VPS54: variants seen among roughly 807,000 people sequenced by gnomAD.
VPS54 encodes the protein vacuolar protein sorting-associated protein 54.
Under a neutral mutation model 121.5 loss-of-function variants are expected in VPS54, and 45 were observed. That is an observed-to-expected ratio of 0.37 (90% CI 0.29 to 0.47). VPS54 has a LOEUF of 0.47. VPS54 is among the 20% of genes least tolerant of loss of function. The pLI, the probability that VPS54 is intolerant of heterozygous loss-of-function variation, is 0.99. For missense variants in VPS54, 1,090 were observed against 1,131.4 expected, an observed-to-expected ratio of 0.96 and a Z score of 0.52; for synonymous variants, 371 against 385.8, an observed-to-expected ratio of 0.96 and a Z score of 0.45.
intron 11 of VPS54, among the ~76,000 whole-genome samples, chr2:63,934,304 A>C (rs1674352969): frequency 6.6e-6 from 1 of 152,186 alleles, no homozygotes; most frequent in Admixed American, 6.5e-5. Flanking sequence ...ACCTCTTAAA[A>C]AGGTTACACT....
intron 12 of VPS54, among the ~76,000 whole-genome samples, chr2:63,924,979 A>G (rs531714769): frequency 6.6e-6 from 1 of 152,338 alleles, no homozygotes; most frequent in East Asian, 1.9e-4. Flanking sequence ...ACCAGAAAAC[A>G]TCTTCAAGTC....
intron 1 of VPS54, among the ~76,000 whole-genome samples, chr2:63,996,748 G>T (rs1030744394): frequency 6.6e-6 from 1 of 152,192 alleles, no homozygotes; most frequent in Non-Finnish European, 1.5e-5. Flanking sequence ...TGTAGATAGG[G>T]ATGAAACACA....
In VPS54 at chr2:63,919,961, C is replaced by A; in HGVS notation, c.2086G>T (p.Asp696Tyr). The A allele has an allele frequency of 6.2e-7, 1 of 1,612,232 alleles. No homozygotes were observed. Among genetic ancestry groups the A allele is most frequent in the Non-Finnish European group, 8.5e-7 (1 of 1,178,782 alleles). The stretch of plus-strand genomic sequence containing the variant: ...AGATCCTGAAATTCTGCAGGAACAT[C>A]TGCTTGCTTCCAGCGCTCATTGTCT... Reference protein sequence around the residue: ...LLDNERWKQADVPAEFQDLVD... With the variant: ...LLDNERWKQAYVPAEFQDLVD... The change falls in exon 15 of 23, where the codon GAT becomes TAT. Residue 696 changes from aspartate (D) to tyrosine (Y), a missense_variant. Around this residue, in one of 2 missense-constraint regions of VPS54, gnomAD observed 289 missense variants for 374.4 expected, o/e 0.77. Transcript: ENST00000272322.
At chr2:63,996,889 G>C (rs1011069970) in intron 1 of VPS54, among the ~76,000 whole-genome samples, 4 of 152,008 alleles carry the variant, frequency 2.6e-5, no homozygotes, top group Non-Finnish European at 5.9e-5. Context: ...ATATTTTGTT[G>C]CCCTTGAAGC....
At chr2:63,980,131 T>C (rs1033030514) in intron 3 of VPS54, among the ~76,000 whole-genome samples, 9 of 152,216 alleles carry the variant, frequency 5.9e-5, no homozygotes, top group Non-Finnish European at 1.3e-4. Context: ...TTTTGAAGCA[T>C]GCTATTAGGG....
In VPS54 at chr2:63,942,518, C is replaced by T. The variant is rs763931393; in HGVS notation, c.1345G>A (p.Asp449Asn). The change falls in exon 11 of 23, where the codon GAT (aspartate) becomes AAT (asparagine). Residue 449 changes from aspartate to asparagine, a missense_variant. Physicochemically the swap from Asp to Asn is conservative, Grantham distance 23 (BLOSUM62 1). Coordinates refer to ENST00000272322, the MANE Select transcript of VPS54 (RefSeq NM_016516.3). Reference sequence around the variant, plus strand: ...TTAGAGAAAATATCCTTGAGCAGATCAAACCACTGGGGAAAATTCAACATT... The same window carrying T: ...TTAGAGAAAATATCCTTGAGCAGATTAAACCACTGGGGAAAATTCAACATT... ...MRMLNFPQWF[D>N]LLKDIFSKFT... The T allele has an allele frequency of 6.3e-7, 1 of 1,598,370 alleles. No homozygotes were observed. The highest frequency in any genetic ancestry group is 1.1e-5 in the South Asian group (1 of 88,586).
At chr2:63,984,169 A>G (rs1298191998) in intron 1 of VPS54, 150 bp from the exon 2 acceptor site, 15 of 645,188 alleles carry the variant, frequency 2.3e-5, no homozygotes, top group African/African-American at 3.7e-5. Context: ...GGGAAAATTG[A>G]TCACAATATT....
In VPS54 at chr2:63,942,371, T is replaced by A. The variant is rs1674783523; in HGVS notation, c.1398+94A>T. ...AATTACAAAAACAAAGAAACTGTGT[T>A]TTATTCTAGTTTGAGTCTTTATTTA... On this transcript the variant is annotated intron_variant, in intron 11 of 22. Transcript: ENST00000272322. 10 of 853,966 alleles carry A rather than the reference T, an allele frequency of 1.2e-5. No individual in the cohort carries two copies. In the South Asian group the frequency reaches 3.2e-4, roughly 27 times the overall value. The allele number at this position is 853,966 out of a possible 1,614,324, so 52.9% of individuals were successfully genotyped here. A position where few individuals can be genotyped will look rare whatever the true frequency, so the allele number is the denominator to read the frequency against.
intron 7 of VPS54, among the ~76,000 whole-genome samples, chr2:63,950,677 GA>G (rs1675198867): frequency 6.6e-6 from 1 of 152,186 alleles, no homozygotes. Context: ...GTCCTGATCA[GA>G]AACCTGACTT....
In VPS54 at chr2:63,962,369, A is replaced by C. The variant is rs1011150741; in HGVS notation, c.699T>G (p.His233Gln). The change falls in exon 7 of 23, where the codon CAT becomes CAG. Residue 233 changes from histidine (H) to glutamine (Q), a missense_variant. His to Gln is a conservative substitution (Grantham distance 24, BLOSUM62 0). This residue lies in a region of VPS54 where 801 missense variants were observed against 757.0 expected (regional missense o/e 1.06). Transcript: ENST00000272322. Reference sequence around the variant, plus strand: ...GCAACTCGTGTTGAGAGGTCATTGCATGAAAAAATGCTTCTGAACGTAGAG... The same window carrying C: ...GCAACTCGTGTTGAGAGGTCATTGCCTGAAAAAATGCTTCTGAACGTAGAG... The part of the protein sequence containing the change: ...QISLRSEAFF[H>Q]AMTSQHELQD... The C allele has an allele frequency of 1.2e-6, 2 of 1,614,006 alleles. No homozygotes were observed. The highest frequency in any genetic ancestry group is 1.7e-6 in the Non-Finnish European group (2 of 1,179,896).
intron 22 of VPS54, among the ~76,000 whole-genome samples, chr2:63,894,573 C>A (rs554971635): frequency 6.6e-6 from 1 of 151,996 alleles, no homozygotes; most frequent in South Asian, 2.1e-4. Flanking sequence ...TGTGGTGCCA[C>A]ACACCTGTAG....
chr2:63,917,235 T>C (rs959914120), intron 15 of VPS54, among the ~76,000 whole-genome samples: 1 of 152,156 alleles, frequency 6.6e-6, no homozygotes, highest in African/African-American at 2.4e-5. Context: ...ATCTATTAAA[T>C]GTGAACAACA....
At position 63,955,066 on chromosome 2, in the gene VPS54, A is replaced by T. The variant is rs1024781288; in HGVS notation, c.1011-5903T>A. Among the ~76,000 whole-genome samples the T allele has an allele frequency of 3.9e-5, 6 of 152,058 alleles. No homozygotes were observed. In the East Asian group the frequency reaches 5.8e-4, roughly 15 times the overall value. ...TAAATGACATTAGAGTTATATTTTT[A>T]AAAAATCCTTATCTTTCAAAGATAC... On this transcript the variant is annotated intron_variant, in intron 7 of 22. Transcript: ENST00000272322.
chr2:64,009,178 A>G (rs1678312885), intron 1 of VPS54, among the ~76,000 whole-genome samples: 1 of 152,222 alleles, frequency 6.6e-6, no homozygotes, highest in Non-Finnish European at 1.5e-5. Flanking sequence ...TATCAGATCA[A>G]TGACTGAATC....
chr2:63,897,245 G>A (rs763723737), intron 22 of VPS54, among the ~76,000 whole-genome samples: 2 of 152,104 alleles, frequency 1.3e-5, no homozygotes, highest in Non-Finnish European at 2.9e-5. Flanking sequence ...CTAAGGAAGT[G>A]CTACTAATTC....
chr2:63,926,257 CAT>C (rs1192076974), intron 12 of VPS54, among the ~76,000 whole-genome samples: 1 of 152,182 alleles, frequency 6.6e-6, no homozygotes, highest in Non-Finnish European at 1.5e-5. Context: ...TGAAATGTTA[CAT>C]GAGAGAAATA....
chr2:64,009,157 C>G (rs1678311303), intron 1 of VPS54, among the ~76,000 whole-genome samples: 1 of 152,164 alleles, frequency 6.6e-6, no homozygotes, highest in Admixed American at 6.5e-5. Context: ...CCTCTTCTGT[C>G]TTTGTCTCCT....
At position 63,896,127 on chromosome 2, in the gene VPS54, C is replaced by G. The variant is rs571184636; in HGVS notation, c.2828+1369G>C. On this transcript the variant is annotated intron_variant, in intron 22 of 22. Coordinates refer to ENST00000272322, the MANE Select transcript of VPS54 (RefSeq NM_016516.3). ...ATGTACCATTTGTATCATCTGACAT[C>G]AAGTGAGAGATATACACAGCGTCAC... Among the ~76,000 whole-genome samples, 24 of 152,238 alleles carry G rather than the reference C, an allele frequency of 1.6e-4. No homozygotes were observed. The South Asian group carries it at 5.0e-3, about 32-fold the overall frequency.
intron 20 of VPS54, among the ~76,000 whole-genome samples, chr2:63,906,156 C>T (rs993280962): frequency 3.9e-5 from 6 of 152,086 alleles, no homozygotes; most frequent in African/African-American, 1.4e-4. Flanking sequence ...TTTTATTCAA[C>T]GTTGTGCTGA....
Sources: gnomAD v4.1 joint callset for allele counts (sites outside exome capture counted in the v4.1 genomes callset) on GRCh38, gnomAD v4.1.1 for gene constraint, gnomAD v4.1.1 regional missense constraint, MANE v1.5 for transcripts, NCBI Gene and HGNC (gene_info 2026-07-23, HGNC 2026-07-21) for gene names.